Variants in DPH6 observed in about 807,000 individuals in gnomAD.
The protein encoded by DPH6 is diphthamine biosynthesis 6.
In DPH6, 33 loss-of-function variants were observed where a neutral mutation model predicts 38.2. The observed-to-expected ratio is 0.86, with a 90% CI of 0.65 to 1.15. The LOEUF (loss-of-function observed/expected upper bound fraction) is 1.15. Ranked by LOEUF, DPH6 falls within the 50% of genes most tolerant of loss-of-function variation. DPH6 has a pLI of 0.00. For missense variants in DPH6, 325 were observed against 320.0 expected (o/e 1.02, Z -0.12); for synonymous variants, 108 against 103.0 (o/e 1.05, Z -0.30).
chr15:35,526,185 C>T (rs1473897278), intron 3 of DPH6, among the ~76,000 whole-genome samples: 1 of 152,168 alleles, frequency 6.6e-6, no homozygotes, highest in African/African-American at 2.4e-5. Flanking sequence ...CCCTTCCCAC[C>T]TCCCTGCAAA....
rs1284215433 is a variant in DPH6, at chr15:35,538,345, T to C, written c.241A>G (p.Thr81Ala). The change falls in exon 3 of 9, where the codon ACA becomes GCA. Residue 81 changes from threonine (T) to alanine (A), a missense_variant. Thr to Ala is a moderately conservative substitution (Grantham distance 58, BLOSUM62 0). Coordinates refer to ENST00000256538, the MANE Select transcript of DPH6 (RefSeq NM_080650.4). ...TCACATTTGGTGTACACTTGTCTTGTATCCAAGCTCCTTCCTCTTATGGTT... is the reference window on the plus strand; with the variant it reads ...TCACATTTGGTGTACACTTGTCTTGCATCCAAGCTCCTTCCTCTTATGGTT... ...RRTIRGRSLD[T>A]RQVYTKCEGD... is the part of the protein sequence containing the mutation. 6.2e-7 allele frequency: 1 copy of C among 1,611,432 alleles called. No individual in the cohort carries two copies. Among genetic ancestry groups the C allele is most frequent in the Admixed American group, 1.7e-5 (1 of 59,990 alleles).
downstream of DPH6, among the ~76,000 whole-genome samples, chr15:35,326,707 A>T (rs1388995558): frequency 6.6e-6 from 1 of 152,190 alleles, no homozygotes; most frequent in African/African-American, 2.4e-5. Flanking sequence ...AAGTTCTGTG[A>T]TTACAGGCAT....
At chr15:35,345,382 G>A (rs1433736428) in intron 3 of DPH6, among the ~76,000 whole-genome samples, 1 of 151,588 alleles carries the variant, frequency 6.6e-6, no homozygotes, top group African/African-American at 2.4e-5. Flanking sequence ...CATTCCACTG[G>A]TTGAATACAA....
intron 3 of DPH6, among the ~76,000 whole-genome samples, chr15:35,354,823 T>A (rs536733869): frequency 6.6e-6 from 1 of 151,918 alleles, no homozygotes; most frequent in African/African-American, 2.4e-5. Context: ...ATTTCCTAAC[T>A]TATTCCTGGA....
At chr15:35,421,030 G>A (rs1254344871) in intron 5 of DPH6, among the ~76,000 whole-genome samples, 1 of 151,892 alleles carries the variant, frequency 6.6e-6, no homozygotes. Flanking sequence ...ACAACAAATT[G>A]GGCAATCTAG....
intron 3 of DPH6, among the ~76,000 whole-genome samples, chr15:35,348,738 G>T (rs1471200523): frequency 6.6e-6 from 1 of 152,088 alleles, no homozygotes; most frequent in Non-Finnish European, 1.5e-5. Flanking sequence ...GTAGATTACA[G>T]TACAAATATT....
At chr15:35,231,519 GT>G (rs2051517597) in intron 3 of DPH6, among the ~76,000 whole-genome samples, 1 of 152,172 alleles carries the variant, frequency 6.6e-6, no homozygotes, top group African/African-American at 2.4e-5. Context: ...CTTTTTTTGT[GT>G]GTAGAAAGTT....
intron 3 of DPH6, among the ~76,000 whole-genome samples, chr15:35,338,468 G>A (rs1366854121): frequency 6.6e-6 from 1 of 152,086 alleles, no homozygotes; most frequent in Non-Finnish European, 1.5e-5. Context: ...AATACAAATC[G>A]AAACCACAAT....
chr15:35,498,655 A>G (rs2141189907), intron 3 of DPH6, among the ~76,000 whole-genome samples: 1 of 152,296 alleles, frequency 6.6e-6, no homozygotes, highest in South Asian at 2.1e-4. Flanking sequence ...ATATAATTCT[A>G]AACAACAGTC....
Position 35,224,432 on chromosome 15 carries a change from G to A in DPH6, n.201-3850C>T, listed in dbSNP as rs891522400. On this transcript the variant is annotated intron_variant and non_coding_transcript_variant, in intron 3 of 3. Transcript: ENST00000560386. Reference sequence around the variant, plus strand: ...TGATTTTAGCTTTGAATAATATTCCGTTGGATGGATGTACTAAAGTTTGTT... The same window carrying A: ...TGATTTTAGCTTTGAATAATATTCCATTGGATGGATGTACTAAAGTTTGTT... Among the ~76,000 whole-genome samples the A allele has an allele frequency of 1.4e-4, 22 of 152,142 alleles. 1 individual carries two copies. Among genetic ancestry groups the A allele is most frequent in the African/African-American group, 4.3e-4 (18 of 41,438 alleles).
At chr15:35,285,650 A>G (rs1015661039) in intron 3 of DPH6, among the ~76,000 whole-genome samples, 19 of 152,218 alleles carry the variant, frequency 1.2e-4, no homozygotes, top group African/African-American at 4.6e-4. Context: ...CTAAAGAAGT[A>G]CTTTTCAAAT....
chr15:35,497,274 ATT>A (rs1326377026), intron 3 of DPH6, among the ~76,000 whole-genome samples: 1 of 152,200 alleles, frequency 6.6e-6, no homozygotes, highest in Non-Finnish European at 1.5e-5. Context: ...GTCAACAAAT[ATT>A]TGTTAAATAA....
At chr15:35,354,257 T>C (rs1016380369) in intron 3 of DPH6, among the ~76,000 whole-genome samples, 2 of 152,180 alleles carry the variant, frequency 1.3e-5, no homozygotes, top group Non-Finnish European at 2.9e-5. Flanking sequence ...CTTTTCCTAA[T>C]TGGATACCCT....
rs188488138 is a variant in DPH6, at chr15:35,445,239, G to A, written c.505+5446C>T. 1.8e-4 allele frequency among the ~76,000 whole-genome samples: 28 copies of A among 152,176 alleles called. No homozygotes were observed. The East Asian group carries it at 5.4e-3, about 29-fold the overall frequency. ...ATATTCTACATTAGAAGGAAATCAA[G>A]CTGTAACAGGCAGTAGAAATCTGCT... On this transcript the variant is annotated intron_variant, in intron 5 of 8. Coordinates refer to ENST00000256538, the MANE Select transcript of DPH6 (RefSeq NM_080650.4).
chr15:35,180,628 GT>G, the DPH6 span, among the ~76,000 whole-genome samples: 1 of 151,954 alleles, frequency 6.6e-6, no homozygotes, highest in Admixed American at 6.6e-5. Flanking sequence ...GCCCAGATAA[GT>G]TTTTTAACTT....
chr15:35,315,495 T>C (rs1460229415), intron 3 of DPH6, among the ~76,000 whole-genome samples: 1 of 152,210 alleles, frequency 6.6e-6, no homozygotes, highest in Non-Finnish European at 1.5e-5. Flanking sequence ...TGACATATTA[T>C]CTCTCCCCGG....
chr15:35,190,555 T>G, the DPH6 span, among the ~76,000 whole-genome samples: 1 of 152,208 alleles, frequency 6.6e-6, no homozygotes, highest in Admixed American at 6.5e-5. Context: ...TTCAAAGTGA[T>G]CTTAAGTTCT....
At chr15:35,465,067 T>A (rs907457490) in intron 3 of DPH6, among the ~76,000 whole-genome samples, 1 of 152,190 alleles carries the variant, frequency 6.6e-6, no homozygotes, top group African/African-American at 2.4e-5. Context: ...TACTGAAATG[T>A]TGGCTCACAG....
intron 6 of DPH6, among the ~76,000 whole-genome samples, chr15:35,387,703 A>G (rs1332753455): frequency 6.6e-6 from 1 of 152,108 alleles, no homozygotes; most frequent in Non-Finnish European, 1.5e-5. Context: ...GTATCCTGAG[A>G]CTTTGCTGAA....
Sources: allele counts gnomAD v4.1 joint callset (sites outside exome capture counted in the v4.1 genomes callset), GRCh38; gene constraint gnomAD v4.1.1; transcripts MANE v1.5; gene names NCBI Gene and HGNC (gene_info 2026-07-23, HGNC 2026-07-21).